The following AUTS2 variants were observed in gnomAD, a reference collection of about 807,000 sequenced individuals.
The protein encoded by AUTS2 is autism susceptibility gene 2 protein.
In AUTS2, 17 loss-of-function variants were observed where a neutral mutation model predicts 112.4. The ratio of observed to expected loss-of-function variants is 0.15; its 90% CI spans 0.10 to 0.23. The LOEUF (loss-of-function observed/expected upper bound fraction) is 0.23, where lower values mean the gene tolerates loss of function less well. Among genes scored for constraint, AUTS2 ranks in the 10% least tolerant of loss-of-function variants. The probability of loss-of-function intolerance (pLI) is 1.00; values close to 1 mark genes in which losing one functional copy is unlikely to be tolerated. For synonymous variants in AUTS2, 751 were observed against 702.7 expected (o/e 1.07, Z -1.09); for missense variants, 1,510 against 1,701.6 (o/e 0.89, Z 1.98).
intron 4 of AUTS2, among the ~76,000 whole-genome samples, chr7:70,305,092 A>G (rs1413142508): frequency 6.6e-6 from 1 of 152,162 alleles, no homozygotes; most frequent in Admixed American, 6.6e-5. Flanking sequence ...TTGTGACCAC[A>G]TAGTATCCTA....
chr7:70,790,508 A>G lies in AUTS2; in HGVS notation c.3292A>G (p.Asn1098Asp). ...DPLGRDFLLR[N>D]DPLHRLSTPR... The stretch of plus-strand genomic sequence containing the variant: ...GCTGGGCAGGGACTTCCTGCTAAGG[A>G]ACGACCCGCTCCACCGGCTCTCGAC... The change falls in exon 19 of 19, where the codon AAC becomes GAC. Residue 1098 changes from asparagine (N) to aspartate (D), a missense_variant. This residue lies in a region of AUTS2 where 788 missense variants were observed against 797.6 expected (regional missense o/e 0.99). Coordinates refer to ENST00000342771, the MANE Select transcript of AUTS2 (RefSeq NM_015570.4). The surrounding 1 kb of genome is among the most constrained non-coding windows in gnomAD (Gnocchi z 7.6). 1 of 1,611,940 alleles carries G rather than the reference A, an allele frequency of 6.2e-7. No homozygotes were observed. Among genetic ancestry groups the G allele is most frequent in the Non-Finnish European group, 8.5e-7 (1 of 1,179,440 alleles).
intron 1 of AUTS2, among the ~76,000 whole-genome samples, chr7:69,862,677 A>G (rs1473160425): frequency 6.6e-6 from 1 of 152,106 alleles, no homozygotes; most frequent in Non-Finnish European, 1.5e-5. Flanking sequence ...TTCTTTTTAG[A>G]AGGAAGCTTA....
chr7:69,852,567 C>T (rs1264849072), intron 1 of AUTS2, among the ~76,000 whole-genome samples: 2 of 151,394 alleles, frequency 1.3e-5, no homozygotes, highest in African/African-American at 4.9e-5. Flanking sequence ...ATTCTCCTGC[C>T]TCAGCCTCCT....
At chr7:70,414,552 C>T (rs1302126934) in intron 4 of AUTS2, among the ~76,000 whole-genome samples, 1 of 152,124 alleles carries the variant, frequency 6.6e-6, no homozygotes, top group Non-Finnish European at 1.5e-5. Context: ...ATCTGACAGG[C>T]CTCCAGAACG....
At chr7:69,842,102 C>A (rs994450605) in intron 1 of AUTS2, among the ~76,000 whole-genome samples, 3 of 152,068 alleles carry the variant, frequency 2.0e-5, no homozygotes, top group Admixed American at 6.6e-5. Context: ...TATGTAATTT[C>A]TGAGATTTCT....
In AUTS2 at chr7:70,245,146, A is replaced by G. The variant is rs11976295; in HGVS notation, c.660+110575A>G. On this transcript the variant is annotated intron_variant, in intron 4 of 18. Transcript: ENST00000342771. ...AAAAAAAAAAAAAGTGTGTGTGTGT[A>G]TATATATATATATATATATATATAA... Among the ~76,000 whole-genome samples the G allele has an allele frequency of 6.2e-3, 214 of 34,704 alleles. 1 individual carries two copies. The highest frequency in any genetic ancestry group is 0.011 in the Admixed American group (34 of 3,004). 22.8% of individuals were successfully genotyped at this position (34,704 alleles called of 152,430 possible). A position where few individuals can be genotyped will look rare whatever the true frequency, so the allele number is the denominator to read the frequency against.
At chr7:70,428,587 G>A (rs999803215) in intron 4 of AUTS2, among the ~76,000 whole-genome samples, 1 of 152,122 alleles carries the variant, frequency 6.6e-6, no homozygotes, top group African/African-American at 2.4e-5. Flanking sequence ...ACAAGTTGGG[G>A]TTCTCCCTCA....
At chr7:70,605,609 A>G (rs950134499) in intron 5 of AUTS2, among the ~76,000 whole-genome samples, 3 of 136,896 alleles carry the variant, frequency 2.2e-5, no homozygotes, top group African/African-American at 5.7e-5. Context: ...TCCCACTGAA[A>G]TCTACTTAAG....
chr7:70,162,057 TA>T (rs1175159070), intron 4 of AUTS2, among the ~76,000 whole-genome samples: 3 of 152,102 alleles, frequency 2.0e-5, no homozygotes, highest in African/African-American at 2.4e-5. Flanking sequence ...CAAGATCAGA[TA>T]AAAAATATAA....
At chr7:69,887,563 T>C (rs900169407) in intron 1 of AUTS2, among the ~76,000 whole-genome samples, 1 of 152,138 alleles carries the variant, frequency 6.6e-6, no homozygotes, top group Non-Finnish European at 1.5e-5. Context: ...GCTGAATACT[T>C]CTAGAGACAT....
chr7:69,975,302 C>G (rs1798011371), intron 2 of AUTS2, among the ~76,000 whole-genome samples: 1 of 152,068 alleles, frequency 6.6e-6, no homozygotes. Flanking sequence ...CTATCTTTAG[C>G]AAAGTTTAAC....
intron 1 of AUTS2, among the ~76,000 whole-genome samples, chr7:69,668,620 A>T (rs1488535622): frequency 2.0e-5 from 3 of 152,170 alleles, no homozygotes; most frequent in Non-Finnish European, 4.4e-5. Context: ...AGTTCCTTCA[A>T]AGCTGTTGTT....
intron 5 of AUTS2, among the ~76,000 whole-genome samples, chr7:70,593,699 A>C (rs1002921396): frequency 1.3e-5 from 2 of 152,232 alleles, no homozygotes; most frequent in African/African-American, 4.8e-5. Context: ...TCCCCACAAC[A>C]ATCAGGAAAG....
At chr7:69,902,947 C>A (rs1285152872) in intron 2 of AUTS2, among the ~76,000 whole-genome samples, 1 of 152,198 alleles carries the variant, frequency 6.6e-6, no homozygotes, top group Non-Finnish European at 1.5e-5. Flanking sequence ...ACTTTTCTTA[C>A]TTCCCAAAGG....
chr7:69,705,255 G>A (rs1027410319), intron 1 of AUTS2, among the ~76,000 whole-genome samples: 1 of 152,122 alleles, frequency 6.6e-6, no homozygotes, highest in African/African-American at 2.4e-5. Context: ...CTAACAATGT[G>A]CGTGCATAGG....
At chr7:70,772,323 A>G (rs898667457) in intron 11 of AUTS2, among the ~76,000 whole-genome samples, 1 of 152,202 alleles carries the variant, frequency 6.6e-6, no homozygotes, top group Non-Finnish European at 1.5e-5. Context: ...ATTCTGTTCT[A>G]CCTAGTCAGT....
intron 5 of AUTS2, among the ~76,000 whole-genome samples, chr7:70,620,026 G>C (rs1804586119): frequency 6.6e-6 from 1 of 152,108 alleles, no homozygotes; most frequent in Non-Finnish European, 1.5e-5. Context: ...CACCCTCCCT[G>C]TACCGCTCTG....
chr7:70,342,522 C>T (rs1479420017), intron 4 of AUTS2, among the ~76,000 whole-genome samples: 1 of 152,080 alleles, frequency 6.6e-6, no homozygotes, highest in Non-Finnish European at 1.5e-5. Context: ...GTGTTCTGTA[C>T]CTGCACTGTC....
intron 1 of AUTS2, among the ~76,000 whole-genome samples, chr7:69,770,736 C>G (rs1233126454): frequency 1.3e-5 from 2 of 152,146 alleles, no homozygotes; most frequent in Admixed American, 6.5e-5. Flanking sequence ...GCTGACATTT[C>G]CCCCTCCAGG....
Sources: gnomAD v4.1 joint callset for allele counts (sites outside exome capture counted in the v4.1 genomes callset) on GRCh38, gnomAD v4.1.1 for gene constraint, gnomAD v4.1.1 regional missense constraint, Gnocchi (gnomAD v3.1) non-coding constraint, MANE v1.5 for transcripts, NCBI Gene and HGNC (gene_info 2026-07-23, HGNC 2026-07-21) for gene names.